HMCN2: variants seen among roughly 807,000 people sequenced by gnomAD.
HMCN2 encodes the protein hemicentin 2.
A neutral mutation model predicts 377.5 loss-of-function variants in HMCN2; 325 were observed. The observed-to-expected ratio is 0.86, with a 90% CI of 0.79 to 0.94. The LOEUF (loss-of-function observed/expected upper bound fraction) is 0.94. Among genes scored for constraint, HMCN2 ranks in the 40% least tolerant of loss-of-function variants. The pLI, the probability that HMCN2 is intolerant of heterozygous loss-of-function variation, is 0.00. For missense variants in HMCN2, 4,543 were observed against 4,725.3 expected (o/e 0.96, Z 1.13); for synonymous variants, 2,007 against 2,046.8 (o/e 0.98, Z 0.53).
intron 28 of HMCN2, 65 bp downstream of exon 28, chr9:130,349,196 G>A: frequency 7.9e-7 from 1 of 1,268,250 alleles, no homozygotes. Context: ...ACTCTTGCAG[G>A]CACACCGGGG....
rs558447548 is a variant in HMCN2, at chr9:130,286,351, C to T, written c.612+41C>T. 1.5e-5 allele frequency: 7 copies of T among 468,418 alleles called. 1 individual carries two copies. Among genetic ancestry groups the T allele is most frequent in the Middle Eastern group, 3.3e-4 (1 of 3,030 alleles). 29.0% of individuals were successfully genotyped at this position (468,418 alleles called of 1,614,324 possible). A position where few individuals can be genotyped will look rare whatever the true frequency, so the allele number is the denominator to read the frequency against. On this transcript the variant is annotated intron_variant, in intron 4 of 97. Transcript: ENST00000683500. ...GGGCACCATCCCGGAGCCCATCACT[C>T]GGGCACGGTGAGGACACTGACCATC...
At chr9:130,271,635 C>T (rs1265234662) in intron 1 of HMCN2, among the ~76,000 whole-genome samples, 8 of 148,696 alleles carry the variant, frequency 5.4e-5, no homozygotes, top group African/African-American at 1.9e-4. Flanking sequence ...CTTTTTGGCA[C>T]TGGTAGTGGC....
chr9:130,430,908 C>G, intron 95 of HMCN2: 2 of 438,436 alleles, frequency 4.6e-6, no homozygotes, highest in East Asian at 4.0e-5. Context: ...AGAAACACTC[C>G]TCTTAGCACT....
intron 4 of HMCN2, among the ~76,000 whole-genome samples, chr9:130,291,839 C>T (rs1399129266): frequency 2.6e-5 from 4 of 152,136 alleles, no homozygotes; most frequent in Admixed American, 6.5e-5. Flanking sequence ...TCACAGTTTT[C>T]GTCAAATCAG....
At chr9:130,293,303 G>GTTTTTTTTTTTTTTTTTTTTTTTTTT (rs1588186458) in intron 4 of HMCN2, among the ~76,000 whole-genome samples, 1 of 77,282 alleles carries the variant, frequency 1.3e-5, no homozygotes, top group African/African-American at 9.0e-5. Context: ...TTTTTTTTGC[G>GTTTTTTTTTTTTTTTTTTTTTTTTTT]GTTCTTGTTG....
intron 97 of HMCN2, chr9:130,433,051 C>G (rs1440768265): frequency 3.7e-5 from 16 of 431,552 alleles, no homozygotes; most frequent in Admixed American, 1.7e-4. Flanking sequence ...GTGACTTGGC[C>G]CAGGGGCACA....
In HMCN2 at chr9:130,389,431, A is replaced by T. The variant is rs140400968; in HGVS notation, c.9523+891A>T. ...CTTCCCCCAGACCCAGGAAACCACAAATCTGCTTTCTGTCTCTGTGGATTG... is the reference window on the plus strand; with the variant it reads ...CTTCCCCCAGACCCAGGAAACCACATATCTGCTTTCTGTCTCTGTGGATTG... On this transcript the variant is annotated intron_variant, in intron 62 of 97. Coordinates refer to ENST00000683500, the MANE Select transcript of HMCN2 (RefSeq NM_001291815.2). Among the ~76,000 whole-genome samples, 4 of 151,952 alleles carry T rather than the reference A, an allele frequency of 2.6e-5. No homozygotes were observed. In the East Asian group the frequency reaches 7.7e-4, roughly 29 times the overall value.
intron 86 of HMCN2, among the ~76,000 whole-genome samples, chr9:130,420,065 C>CTTTTTTTTTTT (rs10586199): frequency 2.6e-5 from 2 of 77,028 alleles, no homozygotes; most frequent in Admixed American, 1.7e-4. Flanking sequence ...CGTCCCACTT[C>CTTTTTTTTTTT]TTTTTTTTTT....
At chr9:130,363,308 C>T (rs1182453529) in intron 40 of HMCN2, among the ~76,000 whole-genome samples, 1 of 152,144 alleles carries the variant, frequency 6.6e-6, no homozygotes, top group African/African-American at 2.4e-5. Flanking sequence ...TGAGTGTCAC[C>T]GACATGGGGT....
intron 82 of HMCN2, chr9:130,406,443 C>A: frequency 3.0e-6 from 1 of 329,396 alleles, no homozygotes. Context: ...GTGTTCTAGT[C>A]CAGAGCTGCT....
intron 46 of HMCN2, among the ~76,000 whole-genome samples, chr9:130,371,386 C>T (rs888413046): frequency 6.8e-6 from 1 of 147,508 alleles, no homozygotes; most frequent in African/African-American, 2.5e-5. Flanking sequence ...TGAACATTTG[C>T]ATAGCAAAGG....
At chr9:130,345,687 C>A (rs1035316551) in intron 25 of HMCN2, among the ~76,000 whole-genome samples, 3 of 151,608 alleles carry the variant, frequency 2.0e-5, no homozygotes, top group African/African-American at 7.3e-5. Flanking sequence ...CAGCCCCTGG[C>A]GGTGGGACAT....
Position 130,374,499 on chromosome 9 carries a change from C to T in HMCN2, c.7439-3C>T. 1.0e-6 allele frequency: 1 copy of T among 985,846 alleles called. No individual in the cohort carries two copies. The highest frequency in any genetic ancestry group is 1.2e-6 in the Non-Finnish European group (1 of 829,972). 61.1% of individuals were successfully genotyped at this position (985,846 alleles called of 1,614,324 possible). On this transcript the variant is annotated splice_region_variant and splice_polypyrimidine_tract_variant and intron_variant, in intron 48 of 97. Transcript: ENST00000683500. ...ATTGTCTCATTCTCTGCTCTGCATA[C>T]AGGCCACCCACAGCCCAAGCTCACA...
intron 1 of HMCN2, among the ~76,000 whole-genome samples, chr9:130,267,011 T>C (rs925128301): frequency 6.6e-6 from 1 of 152,008 alleles, no homozygotes; most frequent in Non-Finnish European, 1.5e-5. Context: ...AGTGGCGTGA[T>C]CACAGCTCGC....
intron 4 of HMCN2, among the ~76,000 whole-genome samples, chr9:130,290,874 A>C (rs202140645): frequency 0.011 from 1,627 of 148,004 alleles, 13 homozygotes; most frequent in African/African-American, 0.012. Context: ...AAAAAAAAAA[A>C]AAAAAACAAA....
chr9:130,307,410 C>G (rs2084696422), intron 13 of HMCN2, 43 bp from the exon 14 acceptor site: 1 of 469,972 alleles, frequency 2.1e-6, no homozygotes, highest in South Asian at 1.5e-5. Context: ...TCTTTATGAC[C>G]TTTGAAGGTT....
At chr9:130,385,903 G>A in intron 60 of HMCN2, 141 bp downstream of exon 60, 1 of 469,044 alleles carries the variant, frequency 2.1e-6, no homozygotes, top group Non-Finnish European at 3.7e-6. Flanking sequence ...GAGTGGATTA[G>A]CAGCTTCCAG....
In HMCN2 at chr9:130,403,267, G is replaced by A. The variant is rs1842938165; in HGVS notation, c.11952G>A (p.Glu3984=). The part of the protein sequence containing the change: ...VAEEEVLLPC[E]ASGIPRPTIT... Reference sequence around the variant, plus strand: ...AGGAGGAGGTGCTGCTGCCCTGCGAGGCCTCAGGCATCCCCCGGCCGACCA... The same window carrying A: ...AGGAGGAGGTGCTGCTGCCCTGCGAAGCCTCAGGCATCCCCCGGCCGACCA... Residue 3984 remains glutamate, a synonymous_variant, in exon 79 of 98, where the codon GAG becomes GAA. Transcript: ENST00000683500. The A allele has an allele frequency of 7.8e-7, 1 of 1,289,732 alleles. No homozygotes were observed. The highest frequency in any genetic ancestry group is 1.2e-5 in the South Asian group (1 of 81,026). 79.9% of individuals were successfully genotyped at this position (1,289,732 alleles called of 1,614,324 possible).
At chr9:130,416,485 G>A (rs1033641646) in intron 85 of HMCN2, among the ~76,000 whole-genome samples, 4 of 152,128 alleles carry the variant, frequency 2.6e-5, no homozygotes, top group Admixed American at 6.6e-5. Context: ...TGTGGCATTC[G>A]TCCATATTGT....
Sources: allele counts gnomAD v4.1 joint callset (sites outside exome capture counted in the v4.1 genomes callset), GRCh38; gene constraint gnomAD v4.1.1; transcripts MANE v1.5; gene names NCBI Gene and HGNC (gene_info 2026-07-23, HGNC 2026-07-21).